The following CTNNA3 variants were observed in gnomAD, a reference collection of about 807,000 sequenced individuals.
CTNNA3 encodes the protein catenin alpha 3, also known as catenin alpha-3.
Under a neutral mutation model 95.7 loss-of-function variants are expected in CTNNA3, and 76 were observed. That is an observed-to-expected ratio of 0.79 (90% CI 0.66 to 0.96). CTNNA3 has a LOEUF of 0.96. Ranked by LOEUF, CTNNA3 falls within the 40% of genes least tolerant of loss-of-function variation. The pLI is 0.00. For missense variants in CTNNA3, 1,191 were observed against 1,089.8 expected, an observed-to-expected ratio of 1.09 and a Z score of -1.31; for synonymous variants, 431 against 374.4, an observed-to-expected ratio of 1.15 and a Z score of -1.74.
At chr10:66,686,752 T>C (rs145135808) in intron 9 of CTNNA3, among the ~76,000 whole-genome samples, 2 of 152,230 alleles carry the variant, frequency 1.3e-5, no homozygotes, top group East Asian at 1.9e-4. Flanking sequence ...TAAACCAATA[T>C]AGTAAAAAGC....
chr10:66,920,760 T>C (rs530728848), intron 7 of CTNNA3, among the ~76,000 whole-genome samples: 4 of 152,370 alleles, frequency 2.6e-5, no homozygotes, highest in South Asian at 4.1e-4. Flanking sequence ...AAAACAGTTA[T>C]GGCTTCACCA....
intron 5 of CTNNA3, among the ~76,000 whole-genome samples, chr10:67,315,404 T>C (rs1365631556): frequency 6.6e-6 from 1 of 152,206 alleles, no homozygotes. Flanking sequence ...ACCATAATAA[T>C]ATCTAAAGTA....
intron 11 of CTNNA3, among the ~76,000 whole-genome samples, chr10:66,486,001 G>A (rs934805679): frequency 1.3e-5 from 2 of 152,092 alleles, no homozygotes; most frequent in Non-Finnish European, 2.9e-5. Context: ...CTAACAAATG[G>A]CACTGATAAA....
intron 12 of CTNNA3, among the ~76,000 whole-genome samples, chr10:66,347,660 A>G (rs2092534533): frequency 6.6e-6 from 1 of 152,008 alleles, no homozygotes; most frequent in Admixed American, 6.6e-5. Flanking sequence ...CTAAAATTGA[A>G]GAAATATATA....
In CTNNA3 at chr10:66,867,477, T is replaced by G. The variant is rs867850179; in HGVS notation, c.1048-91953A>C. Among the ~76,000 whole-genome samples the G allele has an allele frequency of 3.9e-5, 6 of 152,252 alleles. 1 individual carries two copies. The Middle Eastern group carries it at 0.02, about 518-fold the overall frequency. ...CTGCCCAGGACATTCCAGGGGGAGA[T>G]ACAAAGAAGGATAAACTGAGGCTCT... On this transcript the variant is annotated intron_variant, in intron 7 of 17. Transcript: ENST00000433211.
chr10:66,997,640 A>G (rs1358987182), intron 7 of CTNNA3, among the ~76,000 whole-genome samples: 1 of 152,170 alleles, frequency 6.6e-6, no homozygotes, highest in Non-Finnish European at 1.5e-5. Flanking sequence ...CATTATTAGG[A>G]CACCATCTCT....
chr10:67,259,569 AGAT>A (rs1033130208), intron 5 of CTNNA3, among the ~76,000 whole-genome samples: 3 of 152,230 alleles, frequency 2.0e-5, no homozygotes, highest in Non-Finnish European at 2.9e-5. Flanking sequence ...GAGTTTGGAA[AGAT>A]GATAATAAGA....
chr10:66,297,499 CCT>C (rs1376153955), intron 12 of CTNNA3, among the ~76,000 whole-genome samples: 5 of 151,718 alleles, frequency 3.3e-5, no homozygotes, highest in African/African-American at 1.2e-4. Flanking sequence ...CCAAAAGTAC[CCT>C]GTCTTTTGCC....
chr10:65,982,898 C>T (rs931532621), intron 16 of CTNNA3, among the ~76,000 whole-genome samples: 1 of 151,208 alleles, frequency 6.6e-6, no homozygotes. Flanking sequence ...AATGAAGGCT[C>T]CAGAAGCTTC....
intron 14 of CTNNA3, among the ~76,000 whole-genome samples, chr10:66,084,603 A>C (rs1179785492): frequency 6.6e-6 from 1 of 152,130 alleles, no homozygotes; most frequent in Non-Finnish European, 1.5e-5. Flanking sequence ...TTCTTAGAAA[A>C]AGGACTCATC....
intron 5 of CTNNA3, among the ~76,000 whole-genome samples, chr10:67,435,330 C>A (rs1846266383): frequency 6.6e-6 from 1 of 151,904 alleles, no homozygotes. Context: ...TTTGAACATA[C>A]CTTAATGTAA....
At chr10:66,043,666 A>G (rs1022335232) in intron 15 of CTNNA3, among the ~76,000 whole-genome samples, 1 of 152,282 alleles carries the variant, frequency 6.6e-6, no homozygotes. Flanking sequence ...CACTTATGTG[A>G]TATGACTCAA....
intron 12 of CTNNA3, among the ~76,000 whole-genome samples, chr10:66,370,853 G>A (rs1418666536): frequency 6.6e-6 from 1 of 152,072 alleles, no homozygotes; most frequent in East Asian, 1.9e-4. Flanking sequence ...GGGACTACAG[G>A]TGTGTACCAC....
chr10:67,392,508 G>C (rs1228154289), intron 5 of CTNNA3, among the ~76,000 whole-genome samples: 1 of 152,164 alleles, frequency 6.6e-6, no homozygotes, highest in Admixed American at 6.5e-5. Context: ...TGATTCCTCA[G>C]GGATCTAGAA....
intron 7 of CTNNA3, among the ~76,000 whole-genome samples, chr10:67,111,862 T>C (rs1156875119): frequency 6.6e-6 from 1 of 152,108 alleles, no homozygotes; most frequent in East Asian, 1.9e-4. Context: ...CTTCTCATCA[T>C]AGCAAATCCT....
chr10:66,698,893 T>C (rs1231395544), intron 9 of CTNNA3, among the ~76,000 whole-genome samples: 2 of 152,186 alleles, frequency 1.3e-5, no homozygotes, highest in African/African-American at 4.8e-5. Context: ...TATCAAGATA[T>C]GAGGACACTA....
chr10:67,189,142 CA>C lies in CTNNA3; in HGVS notation c.844-8623del, dbSNP rs202123310. On this transcript the variant is annotated intron_variant, in intron 6 of 17. Coordinates refer to ENST00000433211, the MANE Select transcript of CTNNA3 (RefSeq NM_013266.4). ...ACAAACAAACAAACAACAACAACAACAAAAAAAAAAACAGAAAATTCTGTCA... is the reference window on the plus strand; with the variant it reads ...ACAAACAAACAAACAACAACAACAACAAAAAAAAAACAGAAAATTCTGTCA... 4.5e-4 allele frequency among the ~76,000 whole-genome samples: 63 copies of C among 138,856 alleles called. 1 individual carries two copies. Among genetic ancestry groups the C allele is most frequent in the South Asian group, 1.1e-3 (5 of 4,472 alleles). 91.1% of individuals were successfully genotyped at this position (138,856 alleles called of 152,430 possible).
intron 2 of CTNNA3, among the ~76,000 whole-genome samples, chr10:67,633,622 G>A (rs1839215281): frequency 6.6e-6 from 1 of 152,024 alleles, no homozygotes; most frequent in Non-Finnish European, 1.5e-5. Context: ...TGGACCCCCA[G>A]CAAACCACAG....
chr10:66,620,152 T>C (rs1308405323), intron 10 of CTNNA3, among the ~76,000 whole-genome samples: 3 of 152,268 alleles, frequency 2.0e-5, no homozygotes, highest in Admixed American at 1.3e-4. Flanking sequence ...TGATAGAATG[T>C]CTTAACGAGG....
Sources: allele counts gnomAD v4.1 joint callset (sites outside exome capture counted in the v4.1 genomes callset), GRCh38; gene constraint gnomAD v4.1.1; transcripts MANE v1.5; gene names NCBI Gene and HGNC (gene_info 2026-07-23, HGNC 2026-07-21).